Variants in CCDC134 observed in about 807,000 individuals in gnomAD.
CCDC134 encodes coiled-coil domain containing 134.
In CCDC134, 27 loss-of-function variants were observed where a neutral mutation model predicts 25.6. That is an observed-to-expected ratio of 1.05 (90% CI 0.78 to 1.45). CCDC134 has a LOEUF of 1.45. Among genes scored for constraint, CCDC134 ranks in the 40% most tolerant of loss-of-function variants. The pLI, the probability that CCDC134 is intolerant of heterozygous loss-of-function variation, is 0.00. For missense variants in CCDC134, 261 were observed against 286.7 expected (o/e 0.91, Z 0.65); for synonymous variants, 110 against 115.0 (o/e 0.96, Z 0.28).
chr22:41,815,900 T>C (rs1169548004), intron 6 of CCDC134, among the ~76,000 whole-genome samples: 3 of 152,176 alleles, frequency 2.0e-5, no homozygotes, highest in Non-Finnish European at 4.4e-5. Flanking sequence ...TCTTCCTGTC[T>C]CAGCCTCCCA....
At position 41,829,881 on chromosome 22, in the gene CCDC134, C is replaced by T. The variant is rs985655041; in HGVS notation, c.*4058C>T. ...CCCCGCCTCCCGGGTTCAAGTGATT[C>T]TTCTGCCTCAGCCTCCTGAGTAGCT... On this transcript the variant is annotated 3_prime_UTR_variant, in exon 7 of 7. Transcript: ENST00000255784. Among the ~76,000 whole-genome samples, 12 of 152,052 alleles carry T rather than the reference C, an allele frequency of 7.9e-5. No homozygotes were observed. The highest frequency in any genetic ancestry group is 1.3e-4 in the Non-Finnish European group (9 of 68,020).
intron 6 of CCDC134, among the ~76,000 whole-genome samples, chr22:41,824,149 A>C (rs1211357208): frequency 6.6e-6 from 1 of 152,188 alleles, no homozygotes; most frequent in Non-Finnish European, 1.5e-5. Flanking sequence ...AGGAATCAGC[A>C]CAAAGTTGAA....
In CCDC134 at chr22:41,814,438, A is replaced by G. The variant is rs551649636; in HGVS notation, c.564+616A>G. Among the ~76,000 whole-genome samples the G allele has an allele frequency of 2.6e-5, 4 of 152,272 alleles. No homozygotes were observed. In the East Asian group the frequency reaches 5.8e-4, roughly 22 times the overall value. On this transcript the variant is annotated intron_variant, in intron 6 of 6. Transcript: ENST00000255784. ...AAAAACTGGCCAGGCGTGGTGGTGC[A>G]TGCCTGTAATCCTAGCTATTCAGGA...
intron 5 of CCDC134, 114 bp from the exon 6 acceptor site, chr22:41,813,637 T>C: frequency 6.3e-6 from 8 of 1,261,898 alleles, no homozygotes; most frequent in Non-Finnish European, 9.2e-6. Flanking sequence ...GGGATCATCA[T>C]GTGGCCCACA....
rs2076535927 is a variant in CCDC134, at chr22:41,800,747, T to G, written c.-36T>G. 1 of 152,394 alleles carries G rather than the reference T, an allele frequency of 6.6e-6. No individual in the cohort carries two copies. 9.4% of individuals were successfully genotyped at this position (152,394 alleles called of 1,614,324 possible). On this transcript the variant is annotated 5_prime_UTR_variant, in exon 1 of 7. Transcript: ENST00000255784. Reference sequence around the variant, plus strand: ...TCGCACAGGACTCGGCCACCTGCCCTTCCTGCACCGACTGGCCAGGTAGGT... The same window carrying G: ...TCGCACAGGACTCGGCCACCTGCCCGTCCTGCACCGACTGGCCAGGTAGGT...
At chr22:41,824,725 A>C (rs551774355) in intron 6 of CCDC134, among the ~76,000 whole-genome samples, 2 of 152,112 alleles carry the variant, frequency 1.3e-5, no homozygotes. Context: ...TCACCACTGC[A>C]CTCCAGCCTG....
chr22:41,807,332 A>G (rs2076572621), intron 1 of CCDC134, among the ~76,000 whole-genome samples: 1 of 152,052 alleles, frequency 6.6e-6, no homozygotes, highest in African/African-American at 2.4e-5. Flanking sequence ...GGAGGCCAAG[A>G]TGGGTGGATC....
chr22:41,803,966 C>T (rs1270701680), intron 1 of CCDC134, among the ~76,000 whole-genome samples: 5 of 151,494 alleles, frequency 3.3e-5, no homozygotes, highest in Non-Finnish European at 5.9e-5. Flanking sequence ...CCCGTCTCTA[C>T]AAAAAATACA....
Position 41,831,544 on chromosome 22 carries a change from A to G in CCDC134, c.*5721A>G, listed in dbSNP as rs916345735. On this transcript the variant is annotated 3_prime_UTR_variant, in exon 7 of 7. Transcript: ENST00000255784. Reference sequence around the variant, plus strand: ...TATGCAAGGCACTTACTGTATGCCAAAGCTTATGCCGAGAGCTGGCTGCCA... The same window carrying G: ...TATGCAAGGCACTTACTGTATGCCAGAGCTTATGCCGAGAGCTGGCTGCCA... The G allele has an allele frequency of 6.6e-6, 1 of 152,236 alleles. No homozygotes were observed. Among genetic ancestry groups the G allele is most frequent in the Non-Finnish European group, 1.5e-5 (1 of 68,044 alleles). 9.4% of individuals were successfully genotyped at this position (152,236 alleles called of 1,614,324 possible).
intron 1 of CCDC134, among the ~76,000 whole-genome samples, chr22:41,802,097 G>C (rs997632617): frequency 6.6e-6 from 1 of 152,032 alleles, no homozygotes; most frequent in African/African-American, 2.4e-5. Flanking sequence ...TTGTGATCTT[G>C]TTATCAGTCA....
chr22:41,802,546 G>A (rs1450415700), intron 1 of CCDC134, among the ~76,000 whole-genome samples: 1 of 152,160 alleles, frequency 6.6e-6, no homozygotes, highest in Non-Finnish European at 1.5e-5. Context: ...AAGGCGGGCG[G>A]ATCACCTGAG....
intron 5 of CCDC134, 25 bp downstream of exon 5, chr22:41,813,470 C>T (rs768096527): frequency 2.2e-5 from 35 of 1,613,324 alleles, no homozygotes; most frequent in South Asian, 1.6e-4. Context: ...GGAGGTGGCC[C>T]GGGAGCCCTC....
intron 1 of CCDC134, among the ~76,000 whole-genome samples, chr22:41,805,044 G>A (rs1027998236): frequency 6.6e-6 from 1 of 152,176 alleles, no homozygotes; most frequent in African/African-American, 2.4e-5. Flanking sequence ...ACTCCAGCCT[G>A]AGCAACAGAG....
intron 6 of CCDC134, among the ~76,000 whole-genome samples, chr22:41,820,184 G>C (rs1387679601): frequency 6.6e-6 from 1 of 150,590 alleles, no homozygotes; most frequent in Non-Finnish European, 1.5e-5. Context: ...TTTTAATATA[G>C]ACGGGGTTTC....
At chr22:41,819,016 C>G (rs1441461283) in intron 6 of CCDC134, among the ~76,000 whole-genome samples, 1 of 152,202 alleles carries the variant, frequency 6.6e-6, no homozygotes, top group Non-Finnish European at 1.5e-5. Context: ...ATAACGTATT[C>G]TACTTGGACA....
At chr22:41,822,331 C>T (rs746836155) in intron 6 of CCDC134, among the ~76,000 whole-genome samples, 4 of 152,108 alleles carry the variant, frequency 2.6e-5, no homozygotes, top group Admixed American at 6.5e-5. Context: ...GTGAAGACAG[C>T]GGAGGCACAG....
chr22:41,813,736 T>A lies in CCDC134; in HGVS notation c.493-15T>A. 1 of 1,610,112 alleles carries A rather than the reference T, an allele frequency of 6.2e-7. No individual in the cohort carries two copies. Among genetic ancestry groups the A allele is most frequent in the Non-Finnish European group, 8.5e-7 (1 of 1,176,276 alleles). ...AGGAGAAGGCAGATGATGACTAGTGTTTCTTCATCTGCAGATGGCCCAGGA... is the reference window on the plus strand; with the variant it reads ...AGGAGAAGGCAGATGATGACTAGTGATTCTTCATCTGCAGATGGCCCAGGA... On this transcript the variant is annotated splice_polypyrimidine_tract_variant and intron_variant, in intron 5 of 6. Transcript: ENST00000255784.
chr22:41,801,164 G>C (rs2076540979), intron 1 of CCDC134, among the ~76,000 whole-genome samples: 1 of 152,228 alleles, frequency 6.6e-6, no homozygotes, highest in Admixed American at 6.5e-5. Flanking sequence ...GTCATTGCCA[G>C]CTGTCTGGTA....
At chr22:41,815,110 G>A (rs1349398748) in intron 6 of CCDC134, among the ~76,000 whole-genome samples, 4 of 151,872 alleles carry the variant, frequency 2.6e-5, no homozygotes, top group African/African-American at 9.7e-5. Context: ...GAATATGCAG[G>A]GATGCTCAGG....
Sources: allele counts gnomAD v4.1 joint callset (sites outside exome capture counted in the v4.1 genomes callset), GRCh38; gene constraint gnomAD v4.1.1; transcripts MANE v1.5; gene names NCBI Gene and HGNC (gene_info 2026-07-23, HGNC 2026-07-21).